DOCK4: variants seen among roughly 807,000 people sequenced by gnomAD.
DOCK4 encodes dedicator of cytokinesis 4.
In DOCK4, 97 loss-of-function variants were observed where a neutral mutation model predicts 268.1. The observed-to-expected ratio is 0.36, with a 90% CI of 0.31 to 0.43. The LOEUF (loss-of-function observed/expected upper bound fraction) is 0.43, where lower values mean the gene tolerates loss of function less well. Ranked by LOEUF, DOCK4 falls within the 20% of genes least tolerant of loss-of-function variation. DOCK4 has a pLI of 1.00. For synonymous variants in DOCK4, 954 were observed against 887.2 expected, an observed-to-expected ratio of 1.08 and a Z score of -1.34; for missense variants, 2,145 against 2,455.7, an observed-to-expected ratio of 0.87 and a Z score of 2.67.
chr7:111,760,965 G>A (rs1168138030), intron 39 of DOCK4, among the ~76,000 whole-genome samples: 1 of 151,988 alleles, frequency 6.6e-6, no homozygotes, highest in Non-Finnish European at 1.5e-5. Context: ...CATTGATGAA[G>A]CACACTGCAT....
intron 37 of DOCK4, among the ~76,000 whole-genome samples, chr7:111,768,820 T>C (rs1797929900): frequency 6.6e-6 from 1 of 152,174 alleles, no homozygotes; most frequent in Non-Finnish European, 1.5e-5. Flanking sequence ...AGGATGATAA[T>C]GGTTTTTCAG....
At chr7:111,807,866 T>C (rs149369501) in intron 30 of DOCK4, 10 of 152,010 alleles carry the variant, frequency 6.6e-5, no homozygotes, top group Admixed American at 5.9e-4. Context: ...CTCCCTCAAG[T>C]TGTTATGTAT....
At chr7:111,866,474 C>T (rs561025544) in intron 22 of DOCK4, among the ~76,000 whole-genome samples, 8 of 152,262 alleles carry the variant, frequency 5.3e-5, no homozygotes, top group Admixed American at 5.2e-4. Flanking sequence ...TGATTAAAAG[C>T]TGAGAGCAAA....
chr7:112,014,326 G>A lies in DOCK4; in HGVS notation c.38-10195C>T, dbSNP rs1406270483. Among the ~76,000 whole-genome samples the A allele has an allele frequency of 3.9e-5, 6 of 152,058 alleles. No homozygotes were observed. In the East Asian group the frequency reaches 1.2e-3, roughly 29 times the overall value. ...ATCAAATTTATCAATTTCTACCATC[G>A]GTAGGAATTTTGTTACCTCAATAAG... On this transcript the variant is annotated intron_variant, in intron 1 of 52. Coordinates refer to ENST00000428084, the MANE Select transcript of DOCK4 (RefSeq NM_001363540.2).
intron 31 of DOCK4, among the ~76,000 whole-genome samples, chr7:111,790,064 T>A (rs1323872356): frequency 6.6e-6 from 1 of 152,122 alleles, no homozygotes; most frequent in Non-Finnish European, 1.5e-5. Flanking sequence ...ATACTGTAAA[T>A]CAAATGCTCA....
intron 1 of DOCK4, among the ~76,000 whole-genome samples, chr7:112,033,234 G>A (rs887861039): frequency 3.9e-5 from 6 of 152,134 alleles, no homozygotes; most frequent in African/African-American, 1.4e-4. Flanking sequence ...GAAAAAAAAT[G>A]GGCTAACAAA....
intron 1 of DOCK4, among the ~76,000 whole-genome samples, chr7:112,134,137 A>G (rs950679063): frequency 1.3e-5 from 2 of 152,190 alleles, no homozygotes; most frequent in Admixed American, 6.5e-5. Context: ...GAATCGTTTC[A>G]ATTGTAATTA....
chr7:111,957,279 G>T (rs1452296267), intron 8 of DOCK4, among the ~76,000 whole-genome samples: 1 of 152,100 alleles, frequency 6.6e-6, no homozygotes. Flanking sequence ...AAATGATTTT[G>T]ATTTATTGTT....
chr7:111,858,763 C>T (rs542452105), intron 23 of DOCK4, among the ~76,000 whole-genome samples: 17 of 152,040 alleles, frequency 1.1e-4, no homozygotes, highest in African/African-American at 4.1e-4. Context: ...TGACTCCTTT[C>T]CTTCCGTCTT....
intron 26 of DOCK4, among the ~76,000 whole-genome samples, chr7:111,824,533 C>T (rs903234025): frequency 6.6e-6 from 1 of 152,004 alleles, no homozygotes; most frequent in African/African-American, 2.4e-5. Flanking sequence ...GAACTGGAAA[C>T]TGGAGGCAGC....
In DOCK4 at chr7:111,933,296, A is replaced by ATT. The variant is rs1243755248; in HGVS notation, c.1066+2243_1066+2244insAA. On this transcript the variant is annotated intron_variant, in intron 12 of 52. Coordinates refer to ENST00000428084, the MANE Select transcript of DOCK4 (RefSeq NM_001363540.2). Reference sequence around the variant, plus strand: ...CATATATACATATATATATATATATATATTTTTTTTTTTTTTTGAGATGGA... The same window carrying ATT: ...CATATATACATATATATATATATATATTTATTTTTTTTTTTTTTTGAGATGGA... Among the ~76,000 whole-genome samples the ATT allele has an allele frequency of 1.3e-3, 144 of 108,380 alleles. 5 individuals carry two copies. The highest frequency in any genetic ancestry group is 2.1e-3 in the Non-Finnish European group (116 of 53,980). The allele number at this position is 108,380 out of a possible 152,430, so 71.1% of individuals were successfully genotyped here.
chr7:111,787,098 A>T (rs1009074089), intron 32 of DOCK4, among the ~76,000 whole-genome samples: 4 of 152,184 alleles, frequency 2.6e-5, no homozygotes, highest in African/African-American at 9.7e-5. Flanking sequence ...TTTCAAAGTC[A>T]TATTTATACA....
intron 1 of DOCK4, among the ~76,000 whole-genome samples, chr7:112,093,525 G>C (rs1179065004): frequency 1.3e-5 from 2 of 152,058 alleles, no homozygotes; most frequent in African/African-American, 4.8e-5. Flanking sequence ...GCTTCATGTG[G>C]ACCAACAATT....
chr7:112,084,225 C>T (rs1421916812), intron 1 of DOCK4, among the ~76,000 whole-genome samples: 1 of 152,166 alleles, frequency 6.6e-6, no homozygotes, highest in Non-Finnish European at 1.5e-5. Flanking sequence ...GTTTAAGCCA[C>T]TGAGTTGTGG....
intron 1 of DOCK4, among the ~76,000 whole-genome samples, chr7:112,014,406 A>G (rs1277436689): frequency 1.3e-5 from 2 of 152,214 alleles, no homozygotes; most frequent in African/African-American, 4.8e-5. Context: ...AGCACCTAGA[A>G]ATGAGGATCT....
chr7:111,904,542 CA>C (rs1388551841), intron 13 of DOCK4, among the ~76,000 whole-genome samples: 2 of 152,024 alleles, frequency 1.3e-5, no homozygotes, highest in African/African-American at 4.8e-5. Flanking sequence ...AGTAAGGTTC[CA>C]AAGGGCATTA....
At chr7:112,136,811 G>C (rs1814397804) in intron 1 of DOCK4, among the ~76,000 whole-genome samples, 1 of 152,194 alleles carries the variant, frequency 6.6e-6, no homozygotes, top group Non-Finnish European at 1.5e-5. Flanking sequence ...AAAAGAGAGA[G>C]AGAGAGGGCT....
intron 44 of DOCK4, among the ~76,000 whole-genome samples, 184 bp from the exon 45 acceptor site, chr7:111,742,316 T>C (rs1795971398): frequency 6.6e-6 from 1 of 152,326 alleles, no homozygotes; most frequent in South Asian, 2.1e-4. Context: ...AAATCCTGCA[T>C]GGATAAAAGA....
chr7:112,122,206 T>C (rs956692089), intron 1 of DOCK4, among the ~76,000 whole-genome samples: 1 of 152,194 alleles, frequency 6.6e-6, no homozygotes, highest in Admixed American at 6.5e-5. Flanking sequence ...AAATTTACCA[T>C]CTTAGTCATT....
Sources: gnomAD v4.1 joint callset for allele counts (sites outside exome capture counted in the v4.1 genomes callset) on GRCh38, gnomAD v4.1.1 for gene constraint, MANE v1.5 for transcripts, NCBI Gene and HGNC (gene_info 2026-07-23, HGNC 2026-07-21) for gene names.